IRAK1BP1: variants seen among roughly 807,000 people sequenced by gnomAD.
IRAK1BP1 encodes interleukin 1 receptor associated kinase 1 binding protein 1.
IRAK1BP1 carries 24 observed loss-of-function variants against 28.0 expected under a neutral mutation model. The observed-to-expected ratio is 0.86, with a 90% CI of 0.62 to 1.20. IRAK1BP1 has a LOEUF of 1.20. Ranked by LOEUF, IRAK1BP1 falls within the 50% of genes most tolerant of loss-of-function variation. The probability of loss-of-function intolerance (pLI) is 0.00; values close to 1 mark genes in which losing one functional copy is unlikely to be tolerated. For missense variants in IRAK1BP1, 336 were observed against 316.7 expected, an observed-to-expected ratio of 1.06 and a Z score of -0.46; for synonymous variants, 131 against 116.3, an observed-to-expected ratio of 1.13 and a Z score of -0.81.
At chr6:78,926,782 G>A (rs763232744) in intron 4 of IRAK1BP1, among the ~76,000 whole-genome samples, 9 of 151,846 alleles carry the variant, frequency 5.9e-5, no homozygotes, top group Non-Finnish European at 1.2e-4. Flanking sequence ...TCTGACAAAT[G>A]AGTAAGAACA....
chr6:78,962,450 T>A, the IRAK1BP1 span, among the ~76,000 whole-genome samples: 1 of 152,184 alleles, frequency 6.6e-6, no homozygotes, highest in Non-Finnish European at 1.5e-5. Context: ...AGTGTTGGCA[T>A]TTTATAAAAT....
intron 2 of IRAK1BP1, among the ~76,000 whole-genome samples, chr6:78,888,479 G>T (rs1222019731): frequency 1.3e-5 from 2 of 151,496 alleles, no homozygotes; most frequent in African/African-American, 4.8e-5. Flanking sequence ...TTCTAAATAT[G>T]TGCAGTTTTT....
At chr6:78,962,583 C>A in the IRAK1BP1 span, among the ~76,000 whole-genome samples, 4 of 152,116 alleles carry the variant, frequency 2.6e-5, no homozygotes, top group Non-Finnish European at 5.9e-5. Flanking sequence ...CAAACCACCA[C>A]ATAATCTAGT....
At chr6:78,935,398 C>A in intron 4 of IRAK1BP1, 2 of 582,938 alleles carry the variant, frequency 3.4e-6, no homozygotes, top group Non-Finnish European at 4.3e-6. Context: ...AAATGCATGC[C>A]AATCTGACAA....
At chr6:78,948,538 G>T (rs1231552818), downstream of IRAK1BP1, among the ~76,000 whole-genome samples, 2 of 152,114 alleles carry the variant, frequency 1.3e-5, no homozygotes, top group African/African-American at 4.8e-5. Context: ...CTGCTGCCCA[G>T]GTTAGAGTGC....
chr6:78,946,371 TATG>T, exon 5 of IRAK1BP1: 1 of 1,397,204 alleles, frequency 7.2e-7, no homozygotes, highest in South Asian at 1.5e-5. Flanking sequence ...TATGTTAAAA[TATG>T]AGATTTATAG....
At chr6:78,976,318 C>T in the IRAK1BP1 span, among the ~76,000 whole-genome samples, 3 of 145,144 alleles carry the variant, frequency 2.1e-5, no homozygotes, top group Non-Finnish European at 4.6e-5. Context: ...AACTGGCTAG[C>T]CATATGTAGA....
At chr6:78,954,093 T>A in the IRAK1BP1 span, among the ~76,000 whole-genome samples, 3 of 152,116 alleles carry the variant, frequency 2.0e-5, no homozygotes, top group Non-Finnish European at 4.4e-5. Context: ...TGCTTCACAT[T>A]TAAAACTATT....
chr6:78,919,580 C>A (rs1219468840), intron 4 of IRAK1BP1, among the ~76,000 whole-genome samples: 3 of 152,140 alleles, frequency 2.0e-5, no homozygotes, highest in Non-Finnish European at 2.9e-5. Flanking sequence ...TACACACAAA[C>A]TAGAAACTCT....
chr6:78,875,162 C>G (rs1402094040), intron 1 of IRAK1BP1, among the ~76,000 whole-genome samples: 1 of 152,074 alleles, frequency 6.6e-6, no homozygotes, highest in Non-Finnish European at 1.5e-5. Context: ...TGGAAAGATG[C>G]AAATCAAAAC....
Position 78,899,295 on chromosome 6 carries a change from C to T in IRAK1BP1, c.*961C>T, listed in dbSNP as rs1334246839. The stretch of plus-strand genomic sequence containing the variant: ...AATATGTTTAGGAAGGTGAAGTCTA[C>T]TGAGGGCTATCTCACATCTAACAGT... On this transcript the variant is annotated 3_prime_UTR_variant, in exon 4 of 4. Transcript: ENST00000369940. 1 of 152,188 alleles carries T rather than the reference C, an allele frequency of 6.6e-6. No individual in the cohort carries two copies. Among genetic ancestry groups the T allele is most frequent in the Non-Finnish European group, 1.5e-5 (1 of 68,040 alleles). 9.4% of individuals were successfully genotyped at this position (152,188 alleles called of 1,614,324 possible).
At chr6:78,884,124 A>G (rs59935961) in intron 1 of IRAK1BP1, among the ~76,000 whole-genome samples, 329 of 152,298 alleles carry the variant, frequency 2.2e-3, no homozygotes, top group African/African-American at 7.7e-3. Context: ...TAATATTTTC[A>G]TGGGACTGAC....
chr6:78,973,991 C>T, the IRAK1BP1 span, among the ~76,000 whole-genome samples: 2 of 152,108 alleles, frequency 1.3e-5, no homozygotes, highest in African/African-American at 4.8e-5. Context: ...AACAAGGATA[C>T]CCAGGAATTG....
chr6:78,943,988 TTTAAAAAAAAAA>T (rs1339581895), intron 4 of IRAK1BP1, among the ~76,000 whole-genome samples: 8 of 24,348 alleles, frequency 3.3e-4, no homozygotes, highest in South Asian at 2.9e-3. Flanking sequence ...CCTGTCTTTT[TTTAAAAAAAAAA>T]AAAAAAAAAA....
At chr6:78,904,087 A>G (rs570406527), downstream of IRAK1BP1, among the ~76,000 whole-genome samples, 1 of 152,338 alleles carries the variant, frequency 6.6e-6, no homozygotes, top group East Asian at 1.9e-4. Flanking sequence ...TTTATGGCAA[A>G]GTTACCTGAA....
the IRAK1BP1 span, chr6:78,957,234 A>G: frequency 9.2e-5 from 14 of 152,062 alleles, 1 homozygote; most frequent in Admixed American, 2.0e-4. Context: ...AAATATGAAT[A>G]TACTATCTCA....
intron 4 of IRAK1BP1, among the ~76,000 whole-genome samples, chr6:78,923,748 C>T (rs1772808550): frequency 6.6e-6 from 1 of 152,138 alleles, no homozygotes. Flanking sequence ...CAAACTAGAA[C>T]TCAGGATTAA....
At chr6:78,941,816 C>T (rs1459943587) in intron 4 of IRAK1BP1, among the ~76,000 whole-genome samples, 4 of 152,100 alleles carry the variant, frequency 2.6e-5, no homozygotes, top group Non-Finnish European at 5.9e-5. Flanking sequence ...ATCAAAATCA[C>T]TATGTGTGCC....
intron 1 of IRAK1BP1, among the ~76,000 whole-genome samples, chr6:78,869,149 T>C (rs764059706): frequency 1.3e-5 from 2 of 152,254 alleles, no homozygotes; most frequent in African/African-American, 2.4e-5. Flanking sequence ...CTACTAGTGC[T>C]GTAGTCGTTT....
Sources: gnomAD v4.1 joint callset for allele counts (sites outside exome capture counted in the v4.1 genomes callset) on GRCh38, gnomAD v4.1.1 for gene constraint, MANE v1.5 for transcripts, NCBI Gene and HGNC (gene_info 2026-07-23, HGNC 2026-07-21) for gene names.